The following CCDC73 variants were observed in gnomAD, a reference collection of about 807,000 sequenced individuals.
CCDC73 encodes the protein coiled-coil domain containing 73.
A neutral mutation model predicts 116.5 loss-of-function variants in CCDC73; 95 were observed. The observed-to-expected ratio is 0.82, with a 90% confidence interval of 0.69 to 0.97. CCDC73 has a LOEUF of 0.97. Ranked by LOEUF, CCDC73 falls within the 50% of genes least tolerant of loss-of-function variation. The pLI, the probability that CCDC73 is intolerant of heterozygous loss-of-function variation, is 0.00. For missense variants in CCDC73, 1,066 were observed against 1,206.8 expected, an observed-to-expected ratio of 0.88 and a Z score of 1.73; for synonymous variants, 398 against 401.3, an observed-to-expected ratio of 0.99 and a Z score of 0.10.
the CCDC73 span, among the ~76,000 whole-genome samples, chr11:32,818,306 A>G: frequency 1.3e-5 from 2 of 152,212 alleles, no homozygotes; most frequent in African/African-American, 4.8e-5. Flanking sequence ...GTTAGCTCAA[A>G]TCCTGGCTCT....
chr11:32,644,374 A>G (rs1855758795), intron 12 of CCDC73, among the ~76,000 whole-genome samples: 1 of 152,126 alleles, frequency 6.6e-6, no homozygotes, highest in Non-Finnish European at 1.5e-5. Flanking sequence ...CAGGTACTAT[A>G]CTTATTACCT....
intron 1 of CCDC73, among the ~76,000 whole-genome samples, chr11:32,768,931 G>A (rs1369955997): frequency 2.0e-5 from 3 of 152,190 alleles, no homozygotes; most frequent in Non-Finnish European, 2.9e-5. Flanking sequence ...CTTCATAAAA[G>A]AGGATATCCA....
At chr11:32,604,835 G>T (rs954090769) in intron 17 of CCDC73, 17 of 152,090 alleles carry the variant, frequency 1.1e-4, no homozygotes, top group African/African-American at 3.9e-4. Context: ...TTCAGTGTTA[G>T]ATTATGTAGT....
At chr11:32,732,074 T>C (rs563371312) in intron 2 of CCDC73, among the ~76,000 whole-genome samples, 3 of 152,250 alleles carry the variant, frequency 2.0e-5, no homozygotes, top group East Asian at 3.9e-4. Context: ...AGACCTTAAA[T>C]GACCTGATGG....
At chr11:32,689,950 G>A (rs530967543) in intron 6 of CCDC73, among the ~76,000 whole-genome samples, 4 of 152,160 alleles carry the variant, frequency 2.6e-5, no homozygotes, top group South Asian at 2.1e-4. Flanking sequence ...AACCAAGATC[G>A]CGCCACTGCA....
chr11:32,661,898 T>C (rs1197285706), intron 9 of CCDC73, among the ~76,000 whole-genome samples: 1 of 151,930 alleles, frequency 6.6e-6, no homozygotes, highest in Non-Finnish European at 1.5e-5. Flanking sequence ...TGTGTTCTCA[T>C]TGTTCAATTC....
intron 1 of CCDC73, among the ~76,000 whole-genome samples, chr11:32,780,363 G>C (rs1850572367): frequency 6.6e-6 from 1 of 151,818 alleles, no homozygotes; most frequent in African/African-American, 2.4e-5. Context: ...TACTGTGCTA[G>C]TAAAAAGAAA....
intron 9 of CCDC73, among the ~76,000 whole-genome samples, chr11:32,660,522 T>C (rs1023507709): frequency 6.6e-6 from 1 of 152,100 alleles, no homozygotes; most frequent in East Asian, 1.9e-4. Context: ...TTATTGTATT[T>C]ATATTACAAA....
chr11:32,653,362 A>G, intron 11 of CCDC73, 135 bp from the exon 12 acceptor site: 1 of 513,692 alleles, frequency 1.9e-6, no homozygotes, highest in South Asian at 3.4e-5. Flanking sequence ...TATTAAACTA[A>G]TGGCACATCT....
intron 10 of CCDC73, 28 bp downstream of exon 10, chr11:32,654,816 T>C (rs776922368): frequency 7.2e-7 from 1 of 1,385,348 alleles, no homozygotes; most frequent in South Asian, 1.4e-5. Flanking sequence ...AATATTAATG[T>C]TATAAACAAA....
intron 1 of CCDC73, among the ~76,000 whole-genome samples, chr11:32,784,831 A>G (rs113670060): frequency 2.0e-5 from 3 of 152,364 alleles, no homozygotes; most frequent in African/African-American, 7.2e-5. Flanking sequence ...AAGTTGGTAC[A>G]GAACCCTTAG....
chr11:32,703,777 C>T (rs1182683062), intron 3 of CCDC73, among the ~76,000 whole-genome samples: 2 of 152,058 alleles, frequency 1.3e-5, no homozygotes, highest in African/African-American at 2.4e-5. Context: ...TTTTTTTCTC[C>T]TTCTCCCACC....
chr11:32,776,964 C>CATATAT (rs1565099257), intron 1 of CCDC73, among the ~76,000 whole-genome samples: 2 of 121,644 alleles, frequency 1.6e-5, no homozygotes, highest in Non-Finnish European at 3.3e-5. Flanking sequence ...TATATATACA[C>CATATAT]ACACACACAT....
intron 14 of CCDC73, among the ~76,000 whole-genome samples, chr11:32,627,112 C>G (rs1231459915): frequency 6.6e-6 from 1 of 152,058 alleles, no homozygotes; most frequent in Non-Finnish European, 1.5e-5. Context: ...AGAATACAAA[C>G]AAATTTACAA....
intron 14 of CCDC73, among the ~76,000 whole-genome samples, chr11:32,632,343 G>A (rs915589587): frequency 6.7e-4 from 102 of 151,994 alleles, no homozygotes; most frequent in African/African-American, 2.4e-3. Context: ...CTCGTGACTC[G>A]GCCTCTCAAG....
At chr11:32,733,481 A>T (rs1850098148) in intron 2 of CCDC73, among the ~76,000 whole-genome samples, 1 of 152,216 alleles carries the variant, frequency 6.6e-6, no homozygotes, top group Non-Finnish European at 1.5e-5. Flanking sequence ...TCTCAGCACC[A>T]CATCACACTT....
At chr11:32,777,023 A>ATATATATATATATAT (rs1590643001) in intron 1 of CCDC73, among the ~76,000 whole-genome samples, 2 of 136,338 alleles carry the variant, frequency 1.5e-5, no homozygotes, top group Non-Finnish European at 3.1e-5. Context: ...ATATATATAT[A>ATATATATATATATAT]ATTGAACTTA....
At chr11:32,612,118 T>A (rs1338446813) in intron 16 of CCDC73, among the ~76,000 whole-genome samples, 1 of 152,174 alleles carries the variant, frequency 6.6e-6, no homozygotes, top group African/African-American at 2.4e-5. Context: ...CACCAAATAG[T>A]CTCTTTAAAT....
At chr11:32,817,664 C>T in the CCDC73 span, among the ~76,000 whole-genome samples, 2 of 152,186 alleles carry the variant, frequency 1.3e-5, no homozygotes, top group African/African-American at 2.4e-5. Flanking sequence ...CTCCTCACTA[C>T]CTACTGACTC....
Sources: gnomAD v4.1 joint callset for allele counts (sites outside exome capture counted in the v4.1 genomes callset) on GRCh38, gnomAD v4.1.1 for gene constraint, MANE v1.5 for transcripts, NCBI Gene and HGNC (gene_info 2026-07-23, HGNC 2026-07-21) for gene names.